The following DCLRE1C variants were observed in gnomAD, a reference collection of about 807,000 sequenced individuals.
The protein encoded by DCLRE1C is protein artemis.
In DCLRE1C, 47 loss-of-function variants were observed where a neutral mutation model predicts 61.4. That is an observed-to-expected ratio of 0.77 (90% CI 0.61 to 0.98). The LOEUF is 0.98. DCLRE1C is among the 50% of genes least tolerant of loss of function. The pLI is 0.00. For missense variants in DCLRE1C, 858 were observed against 816.0 expected, an observed-to-expected ratio of 1.05 and a Z score of -0.63; for synonymous variants, 337 against 287.6, an observed-to-expected ratio of 1.17 and a Z score of -1.74.
chr10:14,927,072 C>T (rs1160908525), intron 10 of DCLRE1C, among the ~76,000 whole-genome samples, 175 bp from the exon 11 acceptor site: 7 of 152,152 alleles, frequency 4.6e-5, no homozygotes, highest in Non-Finnish European at 8.8e-5. Flanking sequence ...TAGCAGGGAA[C>T]CTTTTCCAGA....
chr10:14,924,001 A>T (rs975347159), intron 11 of DCLRE1C, among the ~76,000 whole-genome samples: 12 of 152,266 alleles, frequency 7.9e-5, no homozygotes, highest in African/African-American at 2.7e-4. Flanking sequence ...CCTGCCACAC[A>T]GGAAGGAACC....
At chr10:14,918,696 A>G (rs537623184) in intron 13 of DCLRE1C, among the ~76,000 whole-genome samples, 1 of 152,226 alleles carries the variant, frequency 6.6e-6, no homozygotes, top group African/African-American at 2.4e-5. Flanking sequence ...TACATAATAG[A>G]GTTAACATCT....
exon 14 of DCLRE1C, chr10:14,899,094 A>G: frequency 1.6e-6 from 1 of 624,672 alleles, no homozygotes; most frequent in Non-Finnish European, 2.9e-6. Flanking sequence ...TCAAGGCTGG[A>G]GGCTCACTTG....
At chr10:14,899,848 G>A (rs1029271379), downstream of DCLRE1C, among the ~76,000 whole-genome samples, 3 of 152,160 alleles carry the variant, frequency 2.0e-5, no homozygotes, top group Non-Finnish European at 4.4e-5. Flanking sequence ...TATTATTGCT[G>A]TATTAGGAAA....
rs1834635557 is a variant in DCLRE1C, at chr10:14,908,224, G to A, written c.*184C>T. ...CACATTTCACTGTGTTGGCCAGGCTGGTGTCGAACTCCTGGGCTCAAGCCA... is the reference window on the plus strand; with the variant it reads ...CACATTTCACTGTGTTGGCCAGGCTAGTGTCGAACTCCTGGGCTCAAGCCA... On this transcript the variant is annotated 3_prime_UTR_variant, in exon 14 of 14. Transcript: ENST00000378278. 3.7e-6 allele frequency: 2 copies of A among 537,010 alleles called. No individual in the cohort carries two copies. Among genetic ancestry groups the A allele is most frequent in the South Asian group, 4.2e-5 (2 of 47,308 alleles). The allele number at this position is 537,010 out of a possible 1,614,324, so 33.3% of individuals were successfully genotyped here.
At chr10:14,919,623 C>G in intron 13 of DCLRE1C, 115 bp downstream of exon 13, 1 of 806,718 alleles carries the variant, frequency 1.2e-6, no homozygotes, top group Non-Finnish European at 2.2e-6. Flanking sequence ...CAAGTCTGAC[C>G]TGTGGTGGGT....
Position 14,945,139 on chromosome 10 carries a change from G to A in DCLRE1C, c.212C>T (p.Thr71Met), listed in dbSNP as rs147013097. ...CTTCCAAAATCTGTATTTCGGGCTC[G>A]TTAACAACAACTCCTTAGTCACAGG... ...CSPVTKELLL[T>M]SPKYRFWKKR... The change falls in exon 3 of 14, where the codon ACG becomes ATG. Residue 71 changes from threonine to methionine, a missense_variant. Thr to Met is a moderately conservative substitution (Grantham distance 81, BLOSUM62 -1). Around this residue, in one of 2 missense-constraint regions of DCLRE1C, gnomAD observed 843 missense variants for 783.5 expected, o/e 1.08. Coordinates refer to ENST00000378278, the MANE Select transcript of DCLRE1C (RefSeq NM_001033855.3). 2.2e-4 allele frequency: 350 copies of A among 1,612,678 alleles called. No individual in the cohort carries two copies. Among genetic ancestry groups the A allele is most frequent in the Admixed American group, 3.2e-4 (19 of 59,944 alleles).
chr10:14,908,210 G>T lies in DCLRE1C; in HGVS notation c.*198C>A, dbSNP rs1047597428. Reference sequence around the variant, plus strand: ...TTTGTAAGTAGAGACACATTTCACTGTGTTGGCCAGGCTGGTGTCGAACTC... The same window carrying T: ...TTTGTAAGTAGAGACACATTTCACTTTGTTGGCCAGGCTGGTGTCGAACTC... On this transcript the variant is annotated 3_prime_UTR_variant, in exon 14 of 14. Transcript: ENST00000378278. The T allele has an allele frequency of 1.9e-4, 69 of 356,776 alleles. No homozygotes were observed. Among genetic ancestry groups the T allele is most frequent in the Non-Finnish European group, 1.5e-4 (31 of 206,558 alleles). The allele number at this position is 356,776 out of a possible 1,614,324, so 22.1% of individuals were successfully genotyped here.
At chr10:14,926,417 G>A (rs1446341452) in intron 11 of DCLRE1C, among the ~76,000 whole-genome samples, 1 of 152,142 alleles carries the variant, frequency 6.6e-6, no homozygotes, top group Admixed American at 6.6e-5. Context: ...CACTTTGGGA[G>A]GCCAAGGCAG....
At chr10:14,911,884 T>C (rs1835315652) in intron 13 of DCLRE1C, among the ~76,000 whole-genome samples, 1 of 152,130 alleles carries the variant, frequency 6.6e-6, no homozygotes, top group Non-Finnish European at 1.5e-5. Context: ...AAATCAAAAC[T>C]GCAGGGTACC....
rs1837374235 is a variant in DCLRE1C, at chr10:14,923,048, G to A, written c.994C>T (p.Leu332Phe). 3 of 1,613,934 alleles carry A rather than the reference G, an allele frequency of 1.9e-6. No individual in the cohort carries two copies. Among genetic ancestry groups the A allele is most frequent in the Non-Finnish European group, 2.5e-6 (3 of 1,179,808 alleles). ...TTTGGATATGCGTTCACAGGACAGAGGTAGCTCAAGAAATCTTTAATCTAG... is the reference window on the plus strand; with the variant it reads ...TTTGGATATGCGTTCACAGGACAGAAGTAGCTCAAGAAATCTTTAATCTAG... ...YSEIKDFLSYLCPVNAYPNVI... is the reference protein window; with the variant it reads ...YSEIKDFLSYFCPVNAYPNVI... The change falls in exon 12 of 14, where the codon CTC (leucine) becomes TTC (phenylalanine). Residue 332 changes from leucine to phenylalanine, a missense_variant. Physicochemically the swap from Leu to Phe is conservative, Grantham distance 22. Transcript: ENST00000378278.
At chr10:14,945,467 C>T in intron 2 of DCLRE1C, 1 of 1,174,902 alleles carries the variant, frequency 8.5e-7, no homozygotes, top group Non-Finnish European at 1.1e-6. Flanking sequence ...ACCAAGAGCA[C>T]AAGGTGGGGG....
chr10:14,907,857 C>CTTTTTTTTTTTTTTTTT lies in DCLRE1C; in HGVS notation c.*534_*550dup, dbSNP rs60410513. The stretch of plus-strand genomic sequence containing the variant: ...GGGTTTAGTTCTACCATTTTTTTTT[C>CTTTTTTTTTTTTTTTTT]TTTTTTTTTTTTTTTTTTTTTGAGA... On this transcript the variant is annotated 3_prime_UTR_variant, in exon 14 of 14. Transcript: ENST00000378278. 2.8e-5 allele frequency: 2 copies of CTTTTTTTTTTTTTTTTT among 71,958 alleles called. No individual in the cohort carries two copies. The highest frequency in any genetic ancestry group is 1.1e-4 in the African/African-American group (2 of 18,228). The allele number at this position is 71,958 out of a possible 1,614,324, so 4.5% of individuals were successfully genotyped here. A position where few individuals can be genotyped will look rare whatever the true frequency, so the allele number is the denominator to read the frequency against.
intron 1 of DCLRE1C, among the ~76,000 whole-genome samples, chr10:14,952,768 C>G (rs545834332): frequency 9.2e-5 from 14 of 151,966 alleles, no homozygotes; most frequent in Non-Finnish European, 1.8e-4. Flanking sequence ...AATACGGCAA[C>G]GCACGAGAAG....
chr10:14,925,999 CCA>C (rs1837909212), intron 11 of DCLRE1C, among the ~76,000 whole-genome samples: 1 of 152,120 alleles, frequency 6.6e-6, no homozygotes, highest in Admixed American at 6.5e-5. Context: ...GGGCTTTTCC[CCA>C]CTTTCACTCT....
At chr10:14,926,748 C>CA (rs1838055949) in intron 11 of DCLRE1C, 95 bp downstream of exon 11, 1 of 901,912 alleles carries the variant, frequency 1.1e-6, no homozygotes, top group South Asian at 1.4e-5. Flanking sequence ...TACATAGAAA[C>CA]AGAGATGCTT....
chr10:14,926,991 A>C, intron 10 of DCLRE1C, 94 bp from the exon 11 acceptor site: 1 of 1,000,336 alleles, frequency 1.0e-6, no homozygotes. Context: ...TTCTAGCATG[A>C]AACCACTCTA....
intron 13 of DCLRE1C, among the ~76,000 whole-genome samples, chr10:14,918,216 C>T (rs767813812): frequency 6.6e-6 from 1 of 152,116 alleles, no homozygotes; most frequent in Non-Finnish European, 1.5e-5. Flanking sequence ...ATAAGAAAGA[C>T]ACTGGAAACA....
At chr10:14,946,650 A>C (rs1464260663) in intron 2 of DCLRE1C, among the ~76,000 whole-genome samples, 1 of 146,412 alleles carries the variant, frequency 6.8e-6, no homozygotes, top group Non-Finnish European at 1.5e-5. Context: ...CCATCCTGAC[A>C]GACTCACGCT....
Sources: gnomAD v4.1 joint callset for allele counts (sites outside exome capture counted in the v4.1 genomes callset) on GRCh38, gnomAD v4.1.1 for gene constraint, gnomAD v4.1.1 regional missense constraint, MANE v1.5 for transcripts, NCBI Gene and HGNC (gene_info 2026-07-23, HGNC 2026-07-21) for gene names.